PODXL: variants seen among roughly 807,000 people sequenced by gnomAD.
PODXL encodes podocalyxin.
Under a neutral mutation model 48.9 loss-of-function variants are expected in PODXL, and 20 were observed. The observed-to-expected ratio is 0.41, with a 90% confidence interval of 0.29 to 0.59. PODXL has a LOEUF of 0.59. Among genes scored for constraint, PODXL ranks in the 20% least tolerant of loss-of-function variants. The pLI, the probability that PODXL is intolerant of heterozygous loss-of-function variation, is 0.31. For synonymous variants in PODXL, 295 were observed against 287.4 expected (o/e 1.03, Z -0.27); for missense variants, 606 against 675.1 (o/e 0.90, Z 1.13).
chr7:131,526,797 G>A (rs543327391), intron 1 of PODXL, among the ~76,000 whole-genome samples: 19 of 131,304 alleles, frequency 1.4e-4, no homozygotes, highest in East Asian at 2.5e-4. Context: ...GTGCAGTGGC[G>A]CGATCTCGGC....
intron 1 of PODXL, among the ~76,000 whole-genome samples, chr7:131,518,479 T>C (rs974597617): frequency 1.3e-5 from 2 of 152,090 alleles, no homozygotes; most frequent in African/African-American, 4.8e-5. Flanking sequence ...AACATTAGTA[T>C]TGGATACTGG....
intron 1 of PODXL, among the ~76,000 whole-genome samples, chr7:131,553,381 TTTTA>T (rs1409955756): frequency 6.6e-6 from 1 of 152,198 alleles, no homozygotes; most frequent in Non-Finnish European, 1.5e-5. Flanking sequence ...GGGCTTCAGT[TTTTA>T]TTATCATATA....
At chr7:131,547,695 T>G (rs567809256) in intron 1 of PODXL, among the ~76,000 whole-genome samples, 6 of 152,338 alleles carry the variant, frequency 3.9e-5, no homozygotes, top group African/African-American at 1.2e-4. Flanking sequence ...CAGTTAAAAG[T>G]AGGCCTTCGT....
intron 1 of PODXL, among the ~76,000 whole-genome samples, chr7:131,540,868 G>T (rs1254575154): frequency 6.6e-6 from 1 of 152,220 alleles, no homozygotes; most frequent in Non-Finnish European, 1.5e-5. Flanking sequence ...AGTCACCTCT[G>T]AAACGGAGAG....
At chr7:131,504,622 TC>T (rs1797769104) in intron 8 of PODXL, 114 bp from the exon 9 acceptor site, 1 of 849,432 alleles carries the variant, frequency 1.2e-6, no homozygotes, top group African/African-American at 1.7e-5. Context: ...AAGCAGGCCC[TC>T]ATTGCTCGCC....
Position 131,507,059 on chromosome 7 carries a change from C to T in PODXL, c.1102-333G>A, listed in dbSNP as rs748481050. On this transcript the variant is annotated intron_variant, in intron 5 of 8. Transcript: ENST00000378555. ...TGCGGATTGGGGGTTGTTTTCATCT[C>T]CCTCCCTAGAACGGGCTAGAGAGGG... 1.8e-5 allele frequency: 5 copies of T among 275,954 alleles called. No homozygotes were observed. In the Admixed American group the frequency reaches 1.9e-4, roughly 10 times the overall value. 17.1% of individuals were successfully genotyped at this position (275,954 alleles called of 1,614,324 possible).
In PODXL at chr7:131,541,416, A is replaced by G. The variant is rs989819554; in HGVS notation, c.100+14844T>C. 5.3e-5 allele frequency among the ~76,000 whole-genome samples: 8 copies of G among 152,102 alleles called. No individual in the cohort carries two copies. In the South Asian group the frequency reaches 1.0e-3, roughly 20 times the overall value. On this transcript the variant is annotated intron_variant, in intron 1 of 8. Transcript: ENST00000378555. The stretch of plus-strand genomic sequence containing the variant: ...TAAAAAGAACAAACAGGCCAGGCGC[A>G]GTGGCTCACACCTGTAATCCCAGCA...
intron 1 of PODXL, among the ~76,000 whole-genome samples, chr7:131,538,679 C>T (rs970902619): frequency 2.0e-5 from 3 of 152,138 alleles, no homozygotes; most frequent in African/African-American, 7.2e-5. Flanking sequence ...GGGGCTCAGC[C>T]CACCCCTGCC....
chr7:131,544,640 CACGCACGCCCTGTACT>C (rs1257999661), intron 1 of PODXL, among the ~76,000 whole-genome samples: 5 of 16,714 alleles, frequency 3.0e-4, no homozygotes, highest in East Asian at 0.05. Flanking sequence ...AGGGCCTCCG[CACGCACGCCCTGTACT>C]ACGCACGCAC....
intron 1 of PODXL, among the ~76,000 whole-genome samples, chr7:131,521,617 G>A (rs761247706): frequency 1.3e-5 from 2 of 152,180 alleles, no homozygotes; most frequent in Non-Finnish European, 2.9e-5. Flanking sequence ...ACAGACGTGA[G>A]CCACCACACC....
intron 1 of PODXL, among the ~76,000 whole-genome samples, chr7:131,517,055 C>T (rs1643263): frequency 0.9 from 136,321 of 152,136 alleles, 61,191 homozygotes; most frequent in East Asian, 1. Flanking sequence ...ATAGTGCATC[C>T]TATAATTGAT....
intron 1 of PODXL, among the ~76,000 whole-genome samples, chr7:131,514,174 T>C (rs1194154784): frequency 6.6e-6 from 1 of 152,122 alleles, no homozygotes; most frequent in African/African-American, 2.4e-5. Flanking sequence ...TCCCAGCACT[T>C]TGGGAGGCCA....
At chr7:131,506,856 A>T (rs1205796645) in intron 5 of PODXL, 130 bp from the exon 6 acceptor site, 2 of 925,766 alleles carry the variant, frequency 2.2e-6, no homozygotes, top group Non-Finnish European at 1.7e-6. Flanking sequence ...CTCTAGCCCC[A>T]GCTGGTGCTC....
intron 1 of PODXL, 62 bp downstream of exon 1, chr7:131,556,198 G>C: frequency 7.3e-7 from 1 of 1,377,752 alleles, no homozygotes; most frequent in Non-Finnish European, 9.4e-7. Context: ...CCTGCAGCTC[G>C]GCCGGGCAGG....
intron 1 of PODXL, among the ~76,000 whole-genome samples, chr7:131,534,915 G>A (rs1261562273): frequency 6.6e-6 from 1 of 152,088 alleles, no homozygotes; most frequent in Non-Finnish European, 1.5e-5. Context: ...AATTAGCTGG[G>A]TGTGCTGTAG....
intron 1 of PODXL, among the ~76,000 whole-genome samples, chr7:131,545,673 A>G (rs891095857): frequency 3.3e-5 from 5 of 152,238 alleles, no homozygotes; most frequent in African/African-American, 1.2e-4. Flanking sequence ...TCCCATAGTT[A>G]AAGTACGTTT....
At chr7:131,552,582 C>G (rs1190197472) in intron 1 of PODXL, among the ~76,000 whole-genome samples, 3 of 152,338 alleles carry the variant, frequency 2.0e-5, no homozygotes, top group Non-Finnish European at 4.4e-5. Flanking sequence ...TGAGGACCCT[C>G]CTGGGCAGGC....
At chr7:131,553,211 T>C (rs1446523851) in intron 1 of PODXL, among the ~76,000 whole-genome samples, 1 of 152,162 alleles carries the variant, frequency 6.6e-6, no homozygotes, top group Non-Finnish European at 1.5e-5. Context: ...CTACAATTCA[T>C]AGAGCCTCAG....
At chr7:131,544,833 C>T (rs1321617886) in intron 1 of PODXL, among the ~76,000 whole-genome samples, 1 of 152,180 alleles carries the variant, frequency 6.6e-6, no homozygotes, top group African/African-American at 2.4e-5. Flanking sequence ...GCACACTACC[C>T]CCTCAACCAC....
Sources: gnomAD v4.1 joint callset for allele counts (sites outside exome capture counted in the v4.1 genomes callset) on GRCh38, gnomAD v4.1.1 for gene constraint, MANE v1.5 for transcripts, NCBI Gene and HGNC (gene_info 2026-07-23, HGNC 2026-07-21) for gene names.